Variants in TNMD observed in about 807,000 individuals in gnomAD.
TNMD encodes tenomodulin.
A neutral mutation model predicts 26.9 loss-of-function variants in TNMD; 15 were observed. The observed-to-expected ratio is 0.56, with a 90% CI of 0.37 to 0.86. The LOEUF is 0.86. Among genes scored for constraint, TNMD ranks in the 40% least tolerant of loss-of-function variants. TNMD has a pLI of 0.00. For missense variants in TNMD, 222 were observed against 242.6 expected (o/e 0.92, Z 0.56); for synonymous variants, 73 against 77.0 (o/e 0.95, Z 0.27).
Position 100,599,808 on chromosome X carries a change from C to T in TNMD, c.*91C>T. On this transcript the variant is annotated 3_prime_UTR_variant, in exon 7 of 7. Coordinates refer to ENST00000373031, the MANE Select transcript of TNMD (RefSeq NM_022144.3). ...ATTTCTGCCTATGAGGCATCTGGCC[C>T]CTGGTAGCCAGCTCTCCAGAATTAC... 2 of 824,445 alleles carry T rather than the reference C, an allele frequency of 2.4e-6. No homozygotes were observed. 67.9% of individuals were successfully genotyped at this position (824,445 alleles called of 1,213,427 possible).
intron 2 of TNMD, among the ~76,000 whole-genome samples, chrX:100,591,341 G>T (rs757981108): frequency 9.0e-6 from 1 of 111,516 alleles, no homozygotes; most frequent in Non-Finnish European, 1.9e-5. Flanking sequence ...CTTGCTCCTG[G>T]AGAGGACAAA....
At position 100,599,796 on chromosome X, in the gene TNMD, A is replaced by T. The variant is rs907544312; in HGVS notation, c.*79A>T. On this transcript the variant is annotated 3_prime_UTR_variant, in exon 7 of 7. Coordinates refer to ENST00000373031, the MANE Select transcript of TNMD (RefSeq NM_022144.3). Reference sequence around the variant, plus strand: ...GCTATTCAATGAATTTCTGCCTATGAGGCATCTGGCCCCTGGTAGCCAGCT... The same window carrying T: ...GCTATTCAATGAATTTCTGCCTATGTGGCATCTGGCCCCTGGTAGCCAGCT... The T allele has an allele frequency of 1.8e-5, 17 of 945,886 alleles. No homozygotes were observed. Among genetic ancestry groups the T allele is most frequent in the Non-Finnish European group, 2.4e-5 (16 of 679,255 alleles). 78.0% of individuals were successfully genotyped at this position (945,886 alleles called of 1,213,427 possible).
At chrX:100,586,452 G>C (rs777626070) in intron 2 of TNMD, among the ~76,000 whole-genome samples, 1 of 111,447 alleles carries the variant, frequency 9.0e-6, no homozygotes, top group South Asian at 3.8e-4. Context: ...ATGGGTCAGT[G>C]GGGAGAGAGA....
chrX:100,585,196 T>C, intron 1 of TNMD, 35 bp from the exon 2 acceptor site: 1 of 1,200,430 alleles, frequency 8.3e-7, no homozygotes, highest in Non-Finnish European at 1.1e-6. Context: ...TGAGATTTAT[T>C]GTGTATTGTT....
At chrX:100,589,009 C>T (rs1056575947) in intron 2 of TNMD, among the ~76,000 whole-genome samples, 2 of 111,473 alleles carry the variant, frequency 1.8e-5, no homozygotes, top group Non-Finnish European at 3.8e-5. Flanking sequence ...CAGGTGATCA[C>T]TAAAACAGTC....
At chrX:100,596,813 G>A in intron 4 of TNMD, among the ~76,000 whole-genome samples, 1 of 111,884 alleles carries the variant, frequency 8.9e-6, no homozygotes, top group Non-Finnish European at 1.9e-5. Flanking sequence ...AAACTGAAGA[G>A]AAAGTGGCAT....
intron 4 of TNMD, among the ~76,000 whole-genome samples, chrX:100,596,645 G>T (rs1393255325): frequency 9.0e-6 from 1 of 111,462 alleles, no homozygotes; most frequent in Non-Finnish European, 1.9e-5. Context: ...TGCTAACAAA[G>T]CTAGTCAGCA....
Position 100,585,593 on chromosome X carries a change from ATT to A in TNMD, c.180+232_180+233del, listed in dbSNP as rs374269055. On this transcript the variant is annotated intron_variant, in intron 2 of 6. Transcript: ENST00000373031. ...TTGGTTAGTAATGATAGGGTGTAGA[ATT>A]ACCCATTCTTCTATAATGCTTATAT... Among the ~76,000 whole-genome samples, 794 of 111,736 alleles carry A rather than the reference ATT, an allele frequency of 7.1e-3. 6 individuals are homozygous for A. Among genetic ancestry groups the A allele is most frequent in the African/African-American group, 0.024 (746 of 30,751 alleles).
At position 100,599,839 on chromosome X, in the gene TNMD, G is replaced by A. The variant is rs1430424318; in HGVS notation, c.*122G>A. ...AGCCAGCTCTCCAGAATTACTTGTA[G>A]GTAATTCCTCTCTTCATGTTCTAAT... On this transcript the variant is annotated 3_prime_UTR_variant, in exon 7 of 7. Coordinates refer to ENST00000373031, the MANE Select transcript of TNMD (RefSeq NM_022144.3). The A allele has an allele frequency of 3.5e-6, 2 of 577,429 alleles. No individual in the cohort carries two copies. The highest frequency in any genetic ancestry group is 2.3e-5 in the African/African-American group (1 of 43,751). 47.6% of individuals were successfully genotyped at this position (577,429 alleles called of 1,213,427 possible).
At chrX:100,594,176 G>C in intron 3 of TNMD, 85 bp from the exon 4 acceptor site, 1 of 945,851 alleles carries the variant, frequency 1.1e-6, no homozygotes, top group South Asian at 2.6e-5. Flanking sequence ...TTCAAATTTT[G>C]CTAGTCTGGG....
intron 2 of TNMD, among the ~76,000 whole-genome samples, chrX:100,589,362 C>CA (rs60496840): frequency 0.034 from 2,064 of 60,796 alleles, 24 homozygotes; most frequent in Middle Eastern, 0.096. Context: ...TTGGCATTTT[C>CA]AAAAAAAAAA....
rs1569344348 is a variant in TNMD at position 100,599,169 on chromosome X, C to T, written c.731C>T (p.Pro244Leu). 2.5e-6 allele frequency: 3 copies of T among 1,190,152 alleles called. No individual in the cohort carries two copies. The highest frequency in any genetic ancestry group is 2.3e-6 in the Non-Finnish European group (2 of 885,544). ...HARQASEEEL[P>L]INDYTENGIE... ...AGACAAGCAAGTGAGGAAGAACTTC[C>T]AATAAATGACTATGTGAGTTATGTT... is the stretch of plus-strand genomic sequence containing the variant. The change falls in exon 6 of 7, where the codon CCA (proline) becomes CTA (leucine). Residue 244 changes from proline to leucine, a missense_variant. Pro to Leu is a moderately conservative substitution (Grantham distance 98). Transcript: ENST00000373031.
In TNMD at chrX:100,584,993, G is replaced by T; in HGVS notation, c.-26G>T. On this transcript the variant is annotated 5_prime_UTR_variant, in exon 1 of 7. Coordinates refer to ENST00000373031, the MANE Select transcript of TNMD (RefSeq NM_022144.3). Reference sequence around the variant, plus strand: ...GGTCTCTCAGTCCTCTCAAAGCAAGGAAAGAGTACTGTGTGCTGAGAGACC... The same window carrying T: ...GGTCTCTCAGTCCTCTCAAAGCAAGTAAAGAGTACTGTGTGCTGAGAGACC... The T allele has an allele frequency of 1.7e-6, 2 of 1,201,909 alleles. No individual in the cohort carries two copies. The highest frequency in any genetic ancestry group is 1.1e-6 in the Non-Finnish European group (1 of 890,046).
At chrX:100,593,816 A>G in intron 2 of TNMD, 79 bp from the exon 3 acceptor site, 4 of 1,070,781 alleles carry the variant, frequency 3.7e-6, no homozygotes, top group Non-Finnish European at 3.8e-6. Context: ...GGATCCCCAT[A>G]TCAGCTCCAG....
rs781236440 is a variant in TNMD at position 100,585,475 on chromosome X, A to G, written c.180+113A>G. The G allele has an allele frequency of 8.3e-6, 7 of 838,574 alleles. No homozygotes were observed. In the African/African-American group the frequency reaches 1.2e-4, roughly 15 times the overall value. The allele number at this position is 838,574 out of a possible 1,213,427, so 69.1% of individuals were successfully genotyped here. ...AAATCATTAAGTCTCTTTTGTGTTT[A>G]TTTTCTGGTGGTATGAAAAACTGAA... On this transcript the variant is annotated intron_variant, in intron 2 of 6. Transcript: ENST00000373031.
chrX:100,598,926 A>T, intron 5 of TNMD, 90 bp from the exon 6 acceptor site: 2 of 765,420 alleles, frequency 2.6e-6, no homozygotes, highest in Non-Finnish European at 3.6e-6. Context: ...CACAATGAAA[A>T]TCTCTATCCC....
intron 2 of TNMD, chrX:100,593,287 G>T (rs1214039757): frequency 3.2e-5 from 23 of 725,224 alleles, no homozygotes; most frequent in Non-Finnish European, 3.7e-5. Flanking sequence ...TATGGCTTGG[G>T]AAACAGAACC....
At chrX:100,585,107 G>A (rs1364273755) in intron 1 of TNMD, 41 bp downstream of exon 1, 1 of 1,188,698 alleles carries the variant, frequency 8.4e-7, no homozygotes, top group South Asian at 1.8e-5. Flanking sequence ...GCAGAAGCAT[G>A]GTTTCACAGA....
chrX:100,594,327 C>A lies in TNMD; in HGVS notation c.388C>A (p.Pro130Thr). ...TATCAAAACTCAGATTAAAGTGATT[C>A]CTGAATTTTCTGAACCAGAAGAGGA... ...CFIKTQIKVI[P>T]EFSEPEEEID... The change falls in exon 4 of 7, where the codon CCT becomes ACT. Residue 130 changes from proline to threonine, a missense_variant. Coordinates refer to ENST00000373031, the MANE Select transcript of TNMD (RefSeq NM_022144.3). 1 of 1,191,518 alleles carries A rather than the reference C, an allele frequency of 8.4e-7. No homozygotes were observed. The highest frequency in any genetic ancestry group is 1.9e-5 in the South Asian group (1 of 53,424).
Sources: gnomAD v4.1 joint callset for allele counts (sites outside exome capture counted in the v4.1 genomes callset) on GRCh38, gnomAD v4.1.1 for gene constraint, MANE v1.5 for transcripts, NCBI Gene and HGNC (gene_info 2026-07-23, HGNC 2026-07-21) for gene names.